VAC14: variants seen among roughly 807,000 people sequenced by gnomAD.
VAC14 encodes VAC14 component of PIKFYVE complex.
In VAC14, 47 loss-of-function variants were observed where a neutral mutation model predicts 85.3. The observed-to-expected ratio is 0.55, with a 90% CI of 0.44 to 0.70. The LOEUF (loss-of-function observed/expected upper bound fraction) is 0.70, where lower values mean the gene tolerates loss of function less well. VAC14 is among the 30% of genes least tolerant of loss of function. The pLI is 0.00. For missense variants in VAC14, 861 were observed against 1,004.3 expected, an observed-to-expected ratio of 0.86 and a Z score of 1.93; for synonymous variants, 447 against 430.5, an observed-to-expected ratio of 1.04 and a Z score of -0.47.
intron 14 of VAC14, among the ~76,000 whole-genome samples, chr16:70,701,417 C>T (rs1160044256): frequency 2.0e-5 from 3 of 152,162 alleles, no homozygotes; most frequent in African/African-American, 4.8e-5. Flanking sequence ...ACTGTCCACC[C>T]AGCTGCTCAG....
Position 70,785,080 on chromosome 16 carries a change from G to A in VAC14, c.424-242C>T, listed in dbSNP as rs141956188. The stretch of plus-strand genomic sequence containing the variant: ...TGTTCAGGGACTTCTCCCATGACCC[G>A]CTGGGGTTCCTGTTCCCTGTTGTGA... On this transcript the variant is annotated intron_variant, in intron 3 of 18. Transcript: ENST00000261776. 2.3e-3 allele frequency among the ~76,000 whole-genome samples: 355 copies of A among 152,364 alleles called. 1 individual carries two copies. Among genetic ancestry groups the A allele is most frequent in the African/African-American group, 8.1e-3 (336 of 41,586 alleles).
rs548322293 is a variant in VAC14, at chr16:70,793,263, A to G, written c.105-6898T>C. Among the ~76,000 whole-genome samples the G allele has an allele frequency of 3.9e-5, 6 of 152,326 alleles. No homozygotes were observed. In the East Asian group the frequency reaches 1.2e-3, roughly 29 times the overall value. On this transcript the variant is annotated intron_variant, in intron 1 of 18. Transcript: ENST00000261776. ...TCTAGCGCTGGTCTTCTGTGAACGC[A>G]GGACACAGTGAGTAACCATCAGCTG...
rs564445490 is a variant in VAC14 at position 70,726,459 on chromosome 16, C to T, written c.1661+5036G>A. 2.0e-5 allele frequency among the ~76,000 whole-genome samples: 3 copies of T among 152,368 alleles called. No homozygotes were observed. In the South Asian group the frequency reaches 6.2e-4, roughly 32 times the overall value. On this transcript the variant is annotated intron_variant, in intron 14 of 18. Coordinates refer to ENST00000261776, the MANE Select transcript of VAC14 (RefSeq NM_018052.5). ...CAAGCCCTGTGGGGAGGCTGAACAA[C>T]AGCCCCGCTTTATCAGACACAGCCA...
intron 12 of VAC14, chr16:70,761,017 G>GTGTGTGCA: frequency 3.0e-6 from 1 of 329,622 alleles, no homozygotes; most frequent in East Asian, 8.8e-5. Flanking sequence ...GTGTGTGTGT[G>GTGTGTGCA]TGCATGGGGG....
intron 12 of VAC14, among the ~76,000 whole-genome samples, chr16:70,757,843 C>T (rs1166299906): frequency 6.6e-6 from 1 of 152,218 alleles, no homozygotes; most frequent in Non-Finnish European, 1.5e-5. Context: ...ATCCTTATAA[C>T]AAACCTGGGA....
chr16:70,724,708 C>A (rs946568413), intron 14 of VAC14, among the ~76,000 whole-genome samples: 1 of 152,170 alleles, frequency 6.6e-6, no homozygotes, highest in Non-Finnish European at 1.5e-5. Context: ...GGCCCCTGGG[C>A]GGGGAACGGC....
At position 70,784,098 on chromosome 16, in the gene VAC14, C is replaced by G; in HGVS notation, c.594+15G>C. On this transcript the variant is annotated intron_variant, in intron 5 of 18. Coordinates refer to ENST00000261776, the MANE Select transcript of VAC14 (RefSeq NM_018052.5). Reference sequence around the variant, plus strand: ...AAACTGGAGGCTGGAGAAACGGTGTCCGGCCAGGCCTTACCCAGGAGATGA... The same window carrying G: ...AAACTGGAGGCTGGAGAAACGGTGTGCGGCCAGGCCTTACCCAGGAGATGA... 1 of 1,610,752 alleles carries G rather than the reference C, an allele frequency of 6.2e-7. No individual in the cohort carries two copies. Among genetic ancestry groups the G allele is most frequent in the Non-Finnish European group, 8.5e-7 (1 of 1,176,938 alleles).
chr16:70,725,377 AG>A (rs1332288790), intron 14 of VAC14, among the ~76,000 whole-genome samples: 1 of 152,258 alleles, frequency 6.6e-6, no homozygotes, highest in Non-Finnish European at 1.5e-5. Context: ...TCCACAGGGC[AG>A]AATGCACGAG....
intron 12 of VAC14, chr16:70,761,131 G>C: frequency 2.2e-6 from 1 of 454,456 alleles, no homozygotes; most frequent in Non-Finnish European, 4.4e-6. Context: ...GTTGATACCT[G>C]CCTGTCCATT....
intron 10 of VAC14, among the ~76,000 whole-genome samples, chr16:70,767,569 C>T (rs1291333163): frequency 6.6e-6 from 1 of 152,188 alleles, no homozygotes; most frequent in Non-Finnish European, 1.5e-5. Context: ...GGACTTCATA[C>T]AACACCTGTT....
In VAC14 at chr16:70,785,725, C is replaced by T. The variant is rs757857715; in HGVS notation, c.400G>A (p.Val134Met). 8.3e-6 allele frequency: 13 copies of T among 1,565,438 alleles called. No homozygotes were observed. In the Admixed American group the frequency reaches 9.5e-5, roughly 11 times the overall value. ...ACCTTGCTCAGCCCGTCAAAGAGCA[C>T]GTTGAAGTGGGGCAGCACAGCGCCC... The part of the protein sequence containing the change: ...ARGAVLPHFN[V>M]LFDGLSKLAA... Residue 134 changes from valine to methionine, a missense_variant, in exon 3 of 19, where the codon GTG (valine) becomes ATG (methionine). Around this residue, in one of 3 missense-constraint regions of VAC14, gnomAD observed 629 missense variants for 703.1 expected, o/e 0.89. Transcript: ENST00000261776.
intron 12 of VAC14, among the ~76,000 whole-genome samples, chr16:70,749,259 C>T (rs1430052549): frequency 6.6e-6 from 1 of 152,246 alleles, no homozygotes; most frequent in African/African-American, 2.4e-5. Context: ...CGCTTTCTCC[C>T]CTGCAGAGAA....
At chr16:70,751,225 C>T (rs2143018378) in intron 12 of VAC14, among the ~76,000 whole-genome samples, 1 of 152,312 alleles carries the variant, frequency 6.6e-6, no homozygotes, top group African/African-American at 2.4e-5. Context: ...AAGAGGGAAC[C>T]CTTCTTGTGT....
At chr16:70,793,341 T>C (rs79628601) in intron 1 of VAC14, among the ~76,000 whole-genome samples, 6,531 of 152,258 alleles carry the variant, frequency 0.043, 485 homozygotes, top group African/African-American at 0.15. Flanking sequence ...CAGGGTCTAA[T>C]TGAAACCTTA....
At chr16:70,691,835 G>A (rs1246268951) in intron 18 of VAC14, 16 of 985,412 alleles carry the variant, frequency 1.6e-5, no homozygotes, top group East Asian at 1.1e-4. Context: ...GCGGTGTGGA[G>A]GGCACAGGGC....
intron 18 of VAC14, chr16:70,691,899 C>T (rs940919036): frequency 1.5e-5 from 15 of 985,150 alleles, no homozygotes; most frequent in African/African-American, 1.7e-5. Context: ...GGCGAGCACC[C>T]GAGGCCCTTT....
intron 18 of VAC14, chr16:70,688,337 C>T: frequency 8.6e-7 from 1 of 1,164,490 alleles, no homozygotes; most frequent in Non-Finnish European, 1.1e-6. Context: ...GGCCTGTGGG[C>T]TGGCGATGGC....
intron 14 of VAC14, among the ~76,000 whole-genome samples, chr16:70,701,837 G>A (rs1200170459): frequency 6.6e-6 from 1 of 152,200 alleles, no homozygotes; most frequent in African/African-American, 2.4e-5. Flanking sequence ...CTAGCCTCTT[G>A]GGTTTTTTGG....
chr16:70,765,906 C>T (rs1222156309), intron 10 of VAC14, among the ~76,000 whole-genome samples: 2 of 151,972 alleles, frequency 1.3e-5, no homozygotes, highest in East Asian at 1.9e-4. Flanking sequence ...CCGAGGCAGG[C>T]GGATGATTTG....
Sources: allele counts gnomAD v4.1 joint callset (sites outside exome capture counted in the v4.1 genomes callset), GRCh38; gene constraint gnomAD v4.1.1; regional missense constraint gnomAD v4.1.1; transcripts MANE v1.5; gene names NCBI Gene and HGNC (gene_info 2026-07-23, HGNC 2026-07-21).